NAALADL2: variants seen among roughly 807,000 people sequenced by gnomAD.
NAALADL2 encodes N-acetylated alpha-linked acidic dipeptidase like 2, also known as inactive N-acetylated-alpha-linked acidic dipeptidase-like protein 2.
A neutral mutation model predicts 87.2 loss-of-function variants in NAALADL2; 76 were observed. That is an observed-to-expected ratio of 0.87 (90% CI 0.72 to 1.05). The LOEUF is 1.05. Among genes scored for constraint, NAALADL2 ranks in the 50% least tolerant of loss-of-function variants. The probability of loss-of-function intolerance (pLI) is 0.00; values close to 1 mark genes in which losing one functional copy is unlikely to be tolerated. For missense variants in NAALADL2, 1,089 were observed against 945.8 expected, an observed-to-expected ratio of 1.15 and a Z score of -1.99; for synonymous variants, 354 against 331.0, an observed-to-expected ratio of 1.07 and a Z score of -0.75.
intron 10 of NAALADL2, among the ~76,000 whole-genome samples, chr3:175,577,235 T>C (rs773453435): frequency 2.0e-5 from 3 of 152,174 alleles, no homozygotes; most frequent in Non-Finnish European, 2.9e-5. Context: ...TGAAGTACTT[T>C]GGTATATTTA....
At position 174,694,161 on chromosome 3, in the gene NAALADL2, A is replaced by G. The variant is rs1394560751; in HGVS notation, c.-114-43480A>G. ...CAACTCTGACTCTCTTTTGCCATAC[A>G]TTTCCCTATCCCTTCCTCTTCATAC... On this transcript the variant is annotated intron_variant, in intron 2 of 3. Transcript: ENST00000434257. Among the ~76,000 whole-genome samples the G allele has an allele frequency of 2.0e-5, 3 of 152,028 alleles. No homozygotes were observed. In the East Asian group the frequency reaches 5.8e-4, roughly 29 times the overall value.
intron 3 of NAALADL2, among the ~76,000 whole-genome samples, chr3:175,243,147 C>A (rs1404544425): frequency 6.9e-6 from 1 of 145,358 alleles, no homozygotes; most frequent in Non-Finnish European, 1.5e-5. Context: ...TCCTATGAAC[C>A]ACCTTTTGCC....
intron 1 of NAALADL2, among the ~76,000 whole-genome samples, chr3:175,005,290 C>T (rs1009921201): frequency 1.3e-5 from 2 of 152,108 alleles, no homozygotes; most frequent in African/African-American, 4.8e-5. Context: ...GTGGTCAAGC[C>T]AGGAATATAA....
chr3:174,982,117 C>A (rs1238044894), intron 1 of NAALADL2, among the ~76,000 whole-genome samples: 1 of 152,174 alleles, frequency 6.6e-6, no homozygotes, highest in Non-Finnish European at 1.5e-5. Flanking sequence ...CTACAACATA[C>A]AACCAGAACC....
chr3:174,447,729 G>A (rs1715160066), intron 1 of NAALADL2, among the ~76,000 whole-genome samples: 1 of 151,964 alleles, frequency 6.6e-6, no homozygotes, highest in Non-Finnish European at 1.5e-5. Context: ...GCAGGAGAAT[G>A]GCGTGAACCT....
chr3:175,315,420 CT>C (rs1350773308), intron 4 of NAALADL2, among the ~76,000 whole-genome samples: 19 of 152,038 alleles, frequency 1.2e-4, no homozygotes, highest in African/African-American at 4.6e-4. Context: ...GAATCATTAA[CT>C]ATGGAAGGAT....
At chr3:174,640,773 C>T (rs545637902) in intron 2 of NAALADL2, among the ~76,000 whole-genome samples, 1 of 152,290 alleles carries the variant, frequency 6.6e-6, no homozygotes, top group East Asian at 1.9e-4. Flanking sequence ...AAGGCAATTG[C>T]TGGGCTGGCA....
At position 174,480,315 on chromosome 3, in the gene NAALADL2, G is replaced by A. The variant is rs112311859; in HGVS notation, c.-184+39283G>A. 7.2e-3 allele frequency among the ~76,000 whole-genome samples: 1,093 copies of A among 152,172 alleles called. 8 individuals are homozygous for A. Among genetic ancestry groups the A allele is most frequent in the African/African-American group, 0.025 (1,041 of 41,542 alleles). On this transcript the variant is annotated intron_variant, in intron 1 of 3. Transcript: ENST00000434257. Reference sequence around the variant, plus strand: ...CTGCTGTAGAATTGCCTTGATGTGCGTTTCTTGAGACCATTATGTTGAGTA... The same window carrying A: ...CTGCTGTAGAATTGCCTTGATGTGCATTTCTTGAGACCATTATGTTGAGTA...
chr3:175,805,345 C>A lies in NAALADL2; in HGVS notation c.*2142C>A, dbSNP rs1361091714. On this transcript the variant is annotated 3_prime_UTR_variant, in exon 14 of 14. Transcript: ENST00000454872. ...GTAAGTCACACTGTATAGATAAAAA[C>A]CTTCTTCTGTATTCCTCACCTCTAA... is the stretch of plus-strand genomic sequence containing the variant. 6.6e-6 allele frequency: 1 copy of A among 151,822 alleles called. No homozygotes were observed. The highest frequency in any genetic ancestry group is 1.5e-5 in the Non-Finnish European group (1 of 67,864). The allele number at this position is 151,822 out of a possible 1,614,324, so 9.4% of individuals were successfully genotyped here. A position where few individuals can be genotyped will look rare whatever the true frequency, so the allele number is the denominator to read the frequency against.
At chr3:175,718,547 T>A in intron 11 of NAALADL2, 1 of 1,592,480 alleles carries the variant, frequency 6.3e-7, no homozygotes, top group Admixed American at 1.7e-5. Context: ...TGTCATGTCT[T>A]CGTCATCTTC....
chr3:174,787,603 A>ATATATATATATATATATATATATATC (rs1311546482), intron 3 of NAALADL2, among the ~76,000 whole-genome samples: 1 of 99,480 alleles, frequency 1.0e-5, no homozygotes, highest in Non-Finnish European at 2.2e-5. Flanking sequence ...ATATATATAT[A>ATATATATATATATATATATATATATC]TATATATATA....
intron 1 of NAALADL2, among the ~76,000 whole-genome samples, chr3:174,944,927 G>A (rs906952031): frequency 4.6e-5 from 7 of 152,224 alleles, no homozygotes; most frequent in Admixed American, 6.5e-5. Flanking sequence ...GGGTTGAGTT[G>A]TTTCCTTGAT....
chr3:175,546,273 A>G (rs2149480635), intron 9 of NAALADL2, among the ~76,000 whole-genome samples: 2 of 152,126 alleles, frequency 1.3e-5, no homozygotes, highest in Admixed American at 1.3e-4. Context: ...TATTTTGAGC[A>G]TATGTATGTC....
chr3:174,607,650 C>A (rs539524955), intron 2 of NAALADL2, among the ~76,000 whole-genome samples: 2 of 152,148 alleles, frequency 1.3e-5, no homozygotes, highest in Admixed American at 6.5e-5. Flanking sequence ...AATACAGGAG[C>A]ACCCAGATTC....
chr3:174,631,950 A>G (rs1047851567), intron 2 of NAALADL2: 1 of 152,218 alleles, frequency 6.6e-6, no homozygotes, highest in African/African-American at 2.4e-5. Context: ...TTACATGCTC[A>G]TTCAAAGTGA....
At chr3:175,592,302 C>CTTTTTTTTTT (rs1560815929) in intron 10 of NAALADL2, among the ~76,000 whole-genome samples, 1 of 140,402 alleles carries the variant, frequency 7.1e-6, no homozygotes, top group African/African-American at 2.8e-5. Context: ...TTTTCTTTTT[C>CTTTTTTTTTT]TTTTCTTTTT....
At chr3:175,016,986 A>G (rs1037099274) in intron 1 of NAALADL2, among the ~76,000 whole-genome samples, 3 of 152,008 alleles carry the variant, frequency 2.0e-5, no homozygotes, top group African/African-American at 7.2e-5. Context: ...TAGTCACACT[A>G]ATGCTTTATC....
chr3:175,803,002 C>A lies in NAALADL2; in HGVS notation c.2190-3C>A. 1 of 1,603,348 alleles carries A rather than the reference C, an allele frequency of 6.2e-7. No individual in the cohort carries two copies. The highest frequency in any genetic ancestry group is 8.5e-7 in the Non-Finnish European group (1 of 1,171,908). ...CATTTATACATTTTGTATTTCTTTT[C>A]AGAAACATCCTCTACCACCTTGATG... On this transcript the variant is annotated splice_region_variant and splice_polypyrimidine_tract_variant and intron_variant, in intron 13 of 13. Coordinates refer to ENST00000454872, the MANE Select transcript of NAALADL2 (RefSeq NM_207015.3).
chr3:175,416,299 AAAAGT>A (rs1560515935), intron 5 of NAALADL2, among the ~76,000 whole-genome samples: 1 of 152,184 alleles, frequency 6.6e-6, no homozygotes, highest in East Asian at 1.9e-4. Flanking sequence ...TGTTGTGATT[AAAAGT>A]AAATTATAAA....
Sources: allele counts gnomAD v4.1 joint callset (sites outside exome capture counted in the v4.1 genomes callset), GRCh38; gene constraint gnomAD v4.1.1; transcripts MANE v1.5; gene names NCBI Gene and HGNC (gene_info 2026-07-23, HGNC 2026-07-21).